Variants in RUBCN observed in about 807,000 individuals in gnomAD.
RUBCN encodes run domain Beclin-1-interacting and cysteine-rich domain-containing protein.
Under a neutral mutation model 113.2 loss-of-function variants are expected in RUBCN, and 74 were observed. The ratio of observed to expected loss-of-function variants is 0.65; its 90% CI spans 0.54 to 0.79. The LOEUF is 0.79. Ranked by LOEUF, RUBCN falls within the 30% of genes least tolerant of loss-of-function variation. The pLI, the probability that RUBCN is intolerant of heterozygous loss-of-function variation, is 0.00. For synonymous variants in RUBCN, 480 were observed against 490.0 expected (o/e 0.98, Z 0.27); for missense variants, 1,109 against 1,251.7 (o/e 0.89, Z 1.72).
rs1168430183 is a variant in RUBCN at position 197,696,065 on chromosome 3, TCCCAGGTAA to T, written c.1358-93_1358-85del. ...TGTCATTAAAGATGCTCCCAAGTCT[TCCCAGGTAA>T]CTGGGAATTAGAGGTTGGAAGAAGA... On this transcript the variant is annotated intron_variant, in intron 8 of 19. Coordinates refer to ENST00000296343, the MANE Select transcript of RUBCN (RefSeq NM_014687.4). 4.6e-6 allele frequency: 6 copies of T among 1,317,146 alleles called. No individual in the cohort carries two copies. In the East Asian group the frequency reaches 1.4e-4, roughly 31 times the overall value. The allele number at this position is 1,317,146 out of a possible 1,614,324, so 81.6% of individuals were successfully genotyped here. A position where few individuals can be genotyped will look rare whatever the true frequency, so the allele number is the denominator to read the frequency against.
At chr3:197,749,326 G>A in exon 1 of RUBCN, 1 of 1,150,672 alleles carries the variant, frequency 8.7e-7, no homozygotes, top group Non-Finnish European at 1.1e-6. Context: ...CAGATGTTTT[G>A]AGAGTGCCGA....
intron 1 of RUBCN, among the ~76,000 whole-genome samples, chr3:197,729,714 C>T (rs1469204132): frequency 6.6e-6 from 1 of 152,064 alleles, no homozygotes; most frequent in Non-Finnish European, 1.5e-5. Context: ...TGCACAACCA[C>T]ATCTGGCTAA....
chr3:197,730,552 C>T (rs1727296290), intron 1 of RUBCN, among the ~76,000 whole-genome samples: 1 of 151,126 alleles, frequency 6.6e-6, no homozygotes, highest in Non-Finnish European at 1.5e-5. Context: ...ATTTCTGAAG[C>T]AACAGTACAC....
chr3:197,671,987 C>T lies in RUBCN; in HGVS notation c.*3031G>A, dbSNP rs970531461. The T allele has an allele frequency of 1.3e-5, 2 of 152,158 alleles. No individual in the cohort carries two copies. The highest frequency in any genetic ancestry group is 6.5e-5 in the Admixed American group (1 of 15,282). 9.4% of individuals were successfully genotyped at this position (152,158 alleles called of 1,614,324 possible). ...TTTCTTGACAGTCAAGGCAGGCTGA[C>T]GAAAGACAGAATTTTATTTCCTTAG... On this transcript the variant is annotated 3_prime_UTR_variant, in exon 20 of 20. Coordinates refer to ENST00000296343, the MANE Select transcript of RUBCN (RefSeq NM_014687.4).
At chr3:197,691,266 C>A (rs1722392767) in intron 11 of RUBCN, 1 of 508,842 alleles carries the variant, frequency 2.0e-6, no homozygotes, top group Non-Finnish European at 3.5e-6. Flanking sequence ...CATGAAATGG[C>A]GTTTAGGAAC....
intron 2 of RUBCN, among the ~76,000 whole-genome samples, chr3:197,715,238 G>A (rs940852243): frequency 6.8e-5 from 10 of 147,492 alleles, no homozygotes; most frequent in African/African-American, 1.5e-4. Context: ...GTGGTGAGCC[G>A]AGATCGTGCC....
intron 11 of RUBCN, chr3:197,691,091 A>G (rs1272990418): frequency 7.8e-7 from 1 of 1,289,508 alleles, no homozygotes. Context: ...CATCGAGGCC[A>G]GTGACACTGA....
chr3:197,722,315 G>A (rs1269098686), intron 1 of RUBCN, among the ~76,000 whole-genome samples: 1 of 151,908 alleles, frequency 6.6e-6, no homozygotes, highest in African/African-American at 2.4e-5. Flanking sequence ...CCTGTTTTGT[G>A]GCCTACCATA....
intron 2 of RUBCN, among the ~76,000 whole-genome samples, chr3:197,710,926 A>C (rs1282115139): frequency 2.6e-5 from 4 of 151,926 alleles, no homozygotes; most frequent in African/African-American, 9.7e-5. Flanking sequence ...CCTGGGTTCA[A>C]GTGATTCTCC....
intron 5 of RUBCN, among the ~76,000 whole-genome samples, chr3:197,702,267 T>C (rs1723763147): frequency 6.6e-6 from 1 of 152,228 alleles, no homozygotes; most frequent in Admixed American, 6.5e-5. Flanking sequence ...CAATGCCCAC[T>C]TCACAGGGTT....
chr3:197,740,478 GAAAA>G (rs997823005), upstream of RUBCN, among the ~76,000 whole-genome samples: 3 of 151,498 alleles, frequency 2.0e-5, no homozygotes, highest in African/African-American at 7.3e-5. Flanking sequence ...TAAAAAAAAA[GAAAA>G]AGAAAAAGAA....
At chr3:197,691,203 T>A in intron 11 of RUBCN, 1 of 882,618 alleles carries the variant, frequency 1.1e-6, no homozygotes, top group Non-Finnish European at 1.6e-6. Context: ...GGAAATAAAC[T>A]AATATTCTAT....
intron 11 of RUBCN, among the ~76,000 whole-genome samples, chr3:197,688,666 A>G (rs536337654): frequency 6.2e-4 from 95 of 152,334 alleles, no homozygotes; most frequent in African/African-American, 1.9e-3. Flanking sequence ...AAATAGCAAC[A>G]ACAAAACTCT....
intron 1 of RUBCN, chr3:197,748,369 C>G (rs1351076047): frequency 6.6e-6 from 1 of 152,098 alleles, no homozygotes; most frequent in African/African-American, 2.4e-5. Context: ...GTTTCCGAGT[C>G]CAAACTTTCC....
chr3:197,736,644 T>G lies in RUBCN; in HGVS notation c.65+11A>C. ...GTCGCTGCCCCGACTCCGCGGCGGC[T>G]CCCAGCCCACCTGCTCTCCTCAGGC... On this transcript the variant is annotated intron_variant, in intron 1 of 19. Coordinates refer to ENST00000296343, the MANE Select transcript of RUBCN (RefSeq NM_014687.4). 1 of 1,532,194 alleles carries G rather than the reference T, an allele frequency of 6.5e-7. No homozygotes were observed. Among genetic ancestry groups the G allele is most frequent in the Non-Finnish European group, 8.7e-7 (1 of 1,146,066 alleles). The allele number at this position is 1,532,194 out of a possible 1,614,324, so 94.9% of individuals were successfully genotyped here.
At chr3:197,749,426 T>C in exon 1 of RUBCN, 1 of 1,226,652 alleles carries the variant, frequency 8.2e-7, no homozygotes, top group Admixed American at 2.8e-5. Flanking sequence ...TGCTTTGCGT[T>C]CAGATGCGGC....
Position 197,694,636 on chromosome 3 carries a change from C to A in RUBCN, c.1474-51G>T, listed in dbSNP as rs1473632551. ...GCAAAGGGTTAGAAGTATTGAATGACATACTCATTATAATGTGGAAAAGGG... is the reference window on the plus strand; with the variant it reads ...GCAAAGGGTTAGAAGTATTGAATGAAATACTCATTATAATGTGGAAAAGGG... On this transcript the variant is annotated intron_variant, in intron 9 of 19. Coordinates refer to ENST00000296343, the MANE Select transcript of RUBCN (RefSeq NM_014687.4). The A allele has an allele frequency of 2.0e-6, 3 of 1,479,116 alleles. No homozygotes were observed. In the African/African-American group the frequency reaches 4.2e-5, roughly 20 times the overall value. The allele number at this position is 1,479,116 out of a possible 1,614,324, so 91.6% of individuals were successfully genotyped here.
rs373328211 is a variant in RUBCN at position 197,684,277 on chromosome 3, G to T, written c.1787-60C>A. On this transcript the variant is annotated intron_variant, in intron 11 of 19. Transcript: ENST00000296343. Reference sequence around the variant, plus strand: ...GAAACGGGGTGGGTAAGGGAACCTGGAATCTATTACAAGGTGCTCCCAGCT... The same window carrying T: ...GAAACGGGGTGGGTAAGGGAACCTGTAATCTATTACAAGGTGCTCCCAGCT... 8.4e-6 allele frequency: 11 copies of T among 1,309,148 alleles called. No individual in the cohort carries two copies. In the African/African-American group the frequency reaches 1.5e-4, roughly 17 times the overall value. 81.1% of individuals were successfully genotyped at this position (1,309,148 alleles called of 1,614,324 possible).
chr3:197,684,623 C>A (rs962495476), intron 11 of RUBCN, among the ~76,000 whole-genome samples: 1 of 151,886 alleles, frequency 6.6e-6, no homozygotes, highest in Non-Finnish European at 1.5e-5. Flanking sequence ...GGTAAGCTCC[C>A]TTAGGCAGTA....
Sources: gnomAD v4.1 joint callset for allele counts (sites outside exome capture counted in the v4.1 genomes callset) on GRCh38, gnomAD v4.1.1 for gene constraint, MANE v1.5 for transcripts, NCBI Gene and HGNC (gene_info 2026-07-23, HGNC 2026-07-21) for gene names.